METTL25B: variants seen among roughly 807,000 people sequenced by gnomAD.
METTL25B encodes the protein methyltransferase-like protein 25B.
In METTL25B, 38 loss-of-function variants were observed where a neutral mutation model predicts 48.4. The ratio of observed to expected loss-of-function variants is 0.78; its 90% CI spans 0.61 to 1.03. METTL25B has a LOEUF of 1.03. METTL25B is among the 50% of genes least tolerant of loss of function. METTL25B has a pLI of 0.00. For synonymous variants in METTL25B, 230 were observed against 254.5 expected (o/e 0.90, Z 0.92); for missense variants, 537 against 603.7 (o/e 0.89, Z 1.16).
Position 156,732,008 on chromosome 1 carries a change from C to T in METTL25B, c.129C>T (p.Asn43=), listed in dbSNP as rs772712849. Reference sequence around the variant, plus strand: ...TTCTGTAGGAATTTTTCACAGACAACCTATGGGACACACTCCCTTGCTCAT... The same window carrying T: ...TTCTGTAGGAATTTTTCACAGACAATCTATGGGACACACTCCCTTGCTCAT... ...DAYIIEFFTD[N]LWDTLPCSWQ... is the part of the protein sequence containing the mutation. The change falls in exon 2 of 8, where the codon AAC becomes AAT. Residue 43 remains asparagine, a synonymous_variant. Transcript: ENST00000368216. 6.2e-7 allele frequency: 1 copy of T among 1,614,136 alleles called. No individual in the cohort carries two copies. The highest frequency in any genetic ancestry group is 1.1e-5 in the South Asian group (1 of 91,076).
chr1:156,728,867 T>A lies in METTL25B; in HGVS notation c.-238T>A, dbSNP rs1571499920. On this transcript the variant is annotated 5_prime_UTR_variant, in exon 1 of 8. The change creates a premature stop within an existing upstream ORF in the 5' untranslated region. Transcript: ENST00000368216. ...CTGCACTGTTACCCCGCCCTACGTG[T>A]CTCTGACGCTGACACCTTCTCACTG... 11 of 659,340 alleles carry A rather than the reference T, an allele frequency of 1.7e-5. No homozygotes were observed. The highest frequency in any genetic ancestry group is 1.2e-4 in the African/African-American group (6 of 52,122). 40.8% of individuals were successfully genotyped at this position (659,340 alleles called of 1,614,324 possible). A position where few individuals can be genotyped will look rare whatever the true frequency, so the allele number is the denominator to read the frequency against.
Position 156,735,842 on chromosome 1 carries a change from T to G in METTL25B, c.1239T>G (p.Ala413=), listed in dbSNP as rs149632417. The change falls in exon 7 of 8, where the codon GCT becomes GCG. Residue 413 remains alanine (A), a synonymous_variant. Coordinates refer to ENST00000368216, the MANE Select transcript of METTL25B (RefSeq NM_015997.4). ...GTGTGGTGGCCTTCTTCAGCCTGGCTCTACTGCTTGCCCCACTGGTGGAGA... is the reference window on the plus strand; with the variant it reads ...GTGTGGTGGCCTTCTTCAGCCTGGCGCTACTGCTTGCCCCACTGGTGGAGA... ...ENRVVAFFSL[A]LLLAPLVETL... 420 of 1,613,014 alleles carry G rather than the reference T, an allele frequency of 2.6e-4. 3 individuals are homozygous for G. In the African/African-American group the frequency reaches 4.8e-3, roughly 19 times the overall value.
chr1:156,729,128 CCT>C lies in METTL25B; in HGVS notation c.30_31del (p.His11Ter), dbSNP rs111545639. The C allele has an allele frequency of 2.5e-6, 4 of 1,609,374 alleles. No individual in the cohort carries two copies. Among genetic ancestry groups the C allele is most frequent in the Non-Finnish European group, 3.4e-6 (4 of 1,178,452 alleles). MPGISARG[L>X]SHEGRKQLAV... ...GGATGCCGGGCATCTCCGCCCGAGG[CCT>C]CTCTCATGAGGGGAGGAAGCAGCTA... On this transcript the variant is annotated frameshift_variant, in exon 1 of 8. Coordinates refer to ENST00000368216, the MANE Select transcript of METTL25B (RefSeq NM_015997.4). LOFTEE classifies it high-confidence loss of function.
rs540523110 is a variant in METTL25B, at chr1:156,728,916, C to T, written c.-189C>T. On this transcript the variant is annotated 5_prime_UTR_variant, in exon 1 of 8. Transcript: ENST00000368216. ...TGTGAAACGTCGCGACCTGTGACGT[C>T]TGGGGGGCGCCTCAAATCTTCCACT... is the stretch of plus-strand genomic sequence containing the variant. The T allele has an allele frequency of 8.7e-6, 5 of 576,554 alleles. No homozygotes were observed. In the East Asian group the frequency reaches 1.0e-4, roughly 12 times the overall value. The allele number at this position is 576,554 out of a possible 1,614,324, so 35.7% of individuals were successfully genotyped here.
chr1:156,736,592 T>C (rs778175002), intron 7 of METTL25B, 40 bp from the exon 8 acceptor site: 39 of 1,612,030 alleles, frequency 2.4e-5, no homozygotes, highest in Middle Eastern at 1.6e-4. Context: ...TGAGTGAGTT[T>C]GGTTCATTCT....
rs552912567 is a variant in METTL25B, at chr1:156,733,355, T to G, written c.493-22T>G. On this transcript the variant is annotated intron_variant, in intron 4 of 7. Coordinates refer to ENST00000368216, the MANE Select transcript of METTL25B (RefSeq NM_015997.4). ...GGATAGGGCACTGAACAGGGCTGTT[T>G]CCATCCTCCTCGTGACTCCAGGGCC... 1.2e-5 allele frequency: 20 copies of G among 1,613,874 alleles called. No homozygotes were observed. The South Asian group carries it at 2.1e-4, about 17-fold the overall frequency.
chr1:156,735,401 A>G (rs2102669907), intron 6 of METTL25B, among the ~76,000 whole-genome samples: 1 of 146,928 alleles, frequency 6.8e-6, no homozygotes, highest in Admixed American at 6.8e-5. Flanking sequence ...CAGCCAGAGA[A>G]ACATTCAAAA....
chr1:156,736,837 C>T lies in METTL25B; in HGVS notation c.*84C>T. ...GCAGAGTACATCTCATCCAGAGAAA[C>T]AGCATCCTGCATCCTCCAGAGTCCT... On this transcript the variant is annotated 3_prime_UTR_variant, in exon 8 of 8. Transcript: ENST00000368216. 1 of 1,359,194 alleles carries T rather than the reference C, an allele frequency of 7.4e-7. No homozygotes were observed. The highest frequency in any genetic ancestry group is 2.1e-5 in the Admixed American group (1 of 47,390). The allele number at this position is 1,359,194 out of a possible 1,614,324, so 84.2% of individuals were successfully genotyped here. A position where few individuals can be genotyped will look rare whatever the true frequency, so the allele number is the denominator to read the frequency against.
intron 1 of METTL25B, chr1:156,729,440 T>C (rs924948084): frequency 2.5e-6 from 1 of 400,188 alleles, no homozygotes; most frequent in Non-Finnish European, 4.4e-6. Context: ...TTTCTTTTTT[T>C]TTTTGAGACG....
intron 5 of METTL25B, chr1:156,733,786 T>C: frequency 1.5e-6 from 1 of 671,802 alleles, no homozygotes; most frequent in Non-Finnish European, 2.5e-6. Context: ...TTGTTACAAA[T>C]AAGAAAACTG....
chr1:156,731,899 A>G (rs1649320988), intron 1 of METTL25B, 92 bp from the exon 2 acceptor site: 2 of 1,516,018 alleles, frequency 1.3e-6, no homozygotes, highest in Admixed American at 3.4e-5. Flanking sequence ...AGTGCTGGGA[A>G]GAGGCAGGCA....
chr1:156,733,681 T>C (rs1649480869), intron 5 of METTL25B, 161 bp downstream of exon 5: 4 of 745,124 alleles, frequency 5.4e-6, no homozygotes, highest in Non-Finnish European at 8.6e-6. Context: ...CCCCAGTGCC[T>C]CCCTGTATCT....
Position 156,736,641 on chromosome 1 carries a change from C to T in METTL25B, c.1316C>T (p.Ala439Val). ...AAGCCCTTTCTCCCAGGTTTCCATG[C>T]TGAGCTCCTGCCCATCTTCAGTCCT... ...LLYLQEQGFH[A>V]ELLPIFSPEL... The change falls in exon 8 of 8, where the codon GCT becomes GTT. Residue 439 changes from alanine (A) to valine (V), a missense_variant. Coordinates refer to ENST00000368216, the MANE Select transcript of METTL25B (RefSeq NM_015997.4). 1 of 1,614,062 alleles carries T rather than the reference C, an allele frequency of 6.2e-7. No individual in the cohort carries two copies. The highest frequency in any genetic ancestry group is 8.5e-7 in the Non-Finnish European group (1 of 1,180,016).
chr1:156,731,837 C>T (rs975762226), intron 1 of METTL25B, among the ~76,000 whole-genome samples, 154 bp from the exon 2 acceptor site: 3 of 152,214 alleles, frequency 2.0e-5, no homozygotes, highest in Non-Finnish European at 4.4e-5. Context: ...AGAACTGACT[C>T]GGCTTAGCAG....
intron 6 of METTL25B, 81 bp downstream of exon 6, chr1:156,734,574 C>T: frequency 1.4e-6 from 2 of 1,411,734 alleles, no homozygotes; most frequent in Non-Finnish European, 1.9e-6. Context: ...CTCTGTTGCC[C>T]AGGCTGGAGT....
chr1:156,732,041 A>G lies in METTL25B; in HGVS notation c.162A>G (p.Glu54=). 2 of 1,614,216 alleles carry G rather than the reference A, an allele frequency of 1.2e-6. No individual in the cohort carries two copies. The highest frequency in any genetic ancestry group is 1.7e-6 in the Non-Finnish European group (2 of 1,180,032). Residue 54 remains glutamate (E), a synonymous_variant, in exon 2 of 8, where the codon GAA becomes GAG. Transcript: ENST00000368216. The part of the protein sequence containing the change: ...LWDTLPCSWQ[E]ALDGLKPPQL... ...ACACACTCCCTTGCTCATGGCAGGA[A>G]GCATTGGATGGACTGAAACCACCAC...
rs1271185087 is a variant in METTL25B, at chr1:156,729,211, T to C, written c.107T>C (p.Ile36Thr). 10 of 1,595,026 alleles carry C rather than the reference T, an allele frequency of 6.3e-6. No homozygotes were observed. The highest frequency in any genetic ancestry group is 7.7e-6 in the Non-Finnish European group (9 of 1,165,096). Residue 36 changes from isoleucine (I) to threonine (T), a missense_variant, in exon 1 of 8, where the codon ATC becomes ACC. Ile to Thr is a moderately conservative substitution (Grantham distance 89). Coordinates refer to ENST00000368216, the MANE Select transcript of METTL25B (RefSeq NM_015997.4). ...ALYRSILDAY[I>T]IEFFTDNLWD... ...TACCGTTCCATCTTGGATGCCTACA[T>C]CATCGTGAGGCCACAGGGGCGTGGG... is the stretch of plus-strand genomic sequence containing the variant.
At chr1:156,729,880 T>C (rs1366766709) in intron 1 of METTL25B, among the ~76,000 whole-genome samples, 1 of 152,246 alleles carries the variant, frequency 6.6e-6, no homozygotes, top group Non-Finnish European at 1.5e-5. Context: ...CACCATCCAC[T>C]GAATTGTTTA....
Position 156,729,172 on chromosome 1 carries a change from G to A in METTL25B, c.68G>A (p.Arg23His), listed in dbSNP as rs1474183666. The change falls in exon 1 of 8, where the codon CGT (arginine) becomes CAT (histidine). Residue 23 changes from arginine to histidine, a missense_variant. Transcript: ENST00000368216. The stretch of plus-strand genomic sequence containing the variant: ...AAGCAGCTAGCTGTTAACCTCACCC[G>A]TGTCCTGGCACTCTACCGTTCCATC... ...GRKQLAVNLT[R>H]VLALYRSILD... is the part of the protein sequence containing the mutation. The A allele has an allele frequency of 1.2e-6, 2 of 1,611,554 alleles. No individual in the cohort carries two copies. The highest frequency in any genetic ancestry group is 1.3e-5 in the African/African-American group (1 of 74,702).
Sources: allele counts gnomAD v4.1 joint callset (sites outside exome capture counted in the v4.1 genomes callset), GRCh38; gene constraint gnomAD v4.1.1; transcripts MANE v1.5; gene names NCBI Gene and HGNC (gene_info 2026-07-23, HGNC 2026-07-21).